The following TTN variants were observed in gnomAD, a reference collection of about 807,000 sequenced individuals.
TTN encodes titin, also known as connectin.
TTN carries 1,525 observed loss-of-function variants against 3,223.0 expected under a neutral mutation model. The ratio of observed to expected loss-of-function variants is 0.47; its 90% CI spans 0.45 to 0.49. The LOEUF is 0.49. Among genes scored for constraint, TTN ranks in the 20% least tolerant of loss-of-function variants. The pLI is 0.00. For missense variants in TTN, 40,786 were observed against 43,424.0 expected (o/e 0.94, Z 5.40); for synonymous variants, 14,094 against 15,161.0 (o/e 0.93, Z 5.17).
At chr2:178,781,627 C>G (rs926849156) in intron 20 of TTN, among the ~76,000 whole-genome samples, 2 of 152,166 alleles carry the variant, frequency 1.3e-5, no homozygotes, top group Non-Finnish European at 2.9e-5. Context: ...ATAATTAAAA[C>G]AATAAATTCC....
At chr2:178,675,518 G>A (rs1204062763) in intron 149 of TTN, among the ~76,000 whole-genome samples, 153 bp downstream of exon 149, 2 of 151,770 alleles carry the variant, frequency 1.3e-5, no homozygotes, top group African/African-American at 4.8e-5. Flanking sequence ...TGAAAAAATG[G>A]ACACAACACA....
rs772011699 is a variant in TTN at position 178,780,122 on chromosome 2, C to T, written c.3607G>A (p.Gly1203Arg). The change falls in exon 22 of 363, where the codon GGA (glycine) becomes AGA (arginine). Residue 1203 changes from glycine to arginine, a missense_variant. Transcript: ENST00000589042. ...VTAFVQEPKV[G>R]ETAPGFVYSE... ...TATACAAATCCAGGTGCTGTTTCTC[C>T]AACTTTAGGTTCTTGAACAAATGCA... 1 of 1,613,838 alleles carries T rather than the reference C, an allele frequency of 6.2e-7. No homozygotes were observed. The highest frequency in any genetic ancestry group is 1.1e-5 in the South Asian group (1 of 91,072).
Position 178,556,958 on chromosome 2 carries a change from C to G in TTN, c.88196G>C (p.Gly29399Ala), listed in dbSNP as rs1701744078. ...TTCATACTGGGAATTCTGAGTCAAG[C>G]CAGAGATGATGAATTGAGTTTCAGT... Reference protein sequence around the residue: ...NVTETQFIISGLTQNSQYEFR... With the variant: ...NVTETQFIISALTQNSQYEFR... Residue 29399 changes from glycine (G) to alanine (A), a missense_variant, in exon 330 of 363, where the codon GGC (glycine) becomes GCC (alanine). Gly to Ala is a moderately conservative substitution (Grantham distance 60). Transcript: ENST00000589042. 1.2e-6 allele frequency: 2 copies of G among 1,613,682 alleles called. No homozygotes were observed. Among genetic ancestry groups the G allele is most frequent in the African/African-American group, 2.7e-5 (2 of 74,920 alleles).
At chr2:178,729,624 G>T (rs375664155) in intron 63 of TTN, 40 bp downstream of exon 63, 10 of 1,613,326 alleles carry the variant, frequency 6.2e-6, no homozygotes, top group Non-Finnish European at 8.5e-6. Context: ...AACTTATCAG[G>T]CAGCACAGCC....
intron 313 of TTN, 59 bp downstream of exon 313, chr2:178,582,881 C>CTATT (rs2048103277): frequency 7.6e-7 from 1 of 1,315,832 alleles, no homozygotes; most frequent in Non-Finnish European, 1.0e-6. Context: ...TCTGTAAATC[C>CTATT]TATTTACATC....
chr2:178,632,406 C>T lies in TTN; in HGVS notation c.43488G>A (p.Arg14496=), dbSNP rs56034831. Reference sequence around the variant, plus strand: ...CTTTGAGAGGGGTGAGGAATTTGAGCCGGATTCCTATCAAGAAAAAAAAGA... The same window carrying T: ...CTTTGAGAGGGGTGAGGAATTTGAGTCGGATTCCTATCAAGAAAAAAAAGA... ...TSGKLIIEGI[R]LKFLTPLKDV... Residue 14496 remains arginine (R), a synonymous_variant, in exon 236 of 363, where the codon CGG becomes CGA. Coordinates refer to ENST00000589042, the MANE Select transcript of TTN (RefSeq NM_001267550.2). 40,909 of 1,581,932 alleles carry T rather than the reference C, an allele frequency of 0.026. 616 individuals are homozygous for T. Among genetic ancestry groups the T allele is most frequent in the Non-Finnish European group, 0.031 (35,649 of 1,167,038 alleles).
rs755949122 is a variant in TTN, at chr2:178,545,394, G to A, written c.95716C>T (p.Pro31906Ser). Reference protein sequence around the residue: ...EASNFISCREPSYTPGPPSAP... With the variant: ...EASNFISCRESSYTPGPPSAP... ...TATGATTCTTGGAGCTCACATGATG[G>A]TTCTCTGCATGAGATGAAGTTGGAA... Residue 31906 changes from proline (P) to serine (S), a missense_variant, in exon 344 of 363, where the codon CCA becomes TCA. Physicochemically the swap from Pro to Ser is moderately conservative, Grantham distance 74. Transcript: ENST00000589042. The A allele has an allele frequency of 1.3e-5, 21 of 1,566,128 alleles. No individual in the cohort carries two copies. Among genetic ancestry groups the A allele is most frequent in the Non-Finnish European group, 1.8e-5 (21 of 1,153,228 alleles).
chr2:178,558,707 A>G, intron 326 of TTN, 70 bp from the exon 327 acceptor site: 1 of 1,464,998 alleles, frequency 6.8e-7, no homozygotes, highest in Non-Finnish European at 9.1e-7. Context: ...CTCTTCATGT[A>G]TTGTCAAAAG....
In TTN at chr2:178,729,817, T is replaced by C. The variant is rs2080073128; in HGVS notation, c.18436A>G (p.Ile6146Val). 6.2e-7 allele frequency: 1 copy of C among 1,613,656 alleles called. No individual in the cohort carries two copies. The highest frequency in any genetic ancestry group is 1.3e-5 in the African/African-American group (1 of 74,926). The change falls in exon 63 of 363, where the codon ATA becomes GTA. Residue 6146 changes from isoleucine to valine, a missense_variant. Ile to Val is a conservative substitution (Grantham distance 29, BLOSUM62 3). Coordinates refer to ENST00000589042, the MANE Select transcript of TTN (RefSeq NM_001267550.2). ...ATGCCATGTTTCTGAATGGCTGTTATTTCATTCCCGTCTAGATACCAAGAC... is the reference window on the plus strand; with the variant it reads ...ATGCCATGTTTCTGAATGGCTGTTACTTCATTCCCGTCTAGATACCAAGAC... ...RVSWYLDGNE[I>V]TAIQKHGISF... is the part of the protein sequence containing the mutation.
intron 21 of TTN, 47 bp from the exon 22 acceptor site, chr2:178,780,252 A>G: frequency 6.6e-7 from 1 of 1,519,142 alleles, no homozygotes; most frequent in Non-Finnish European, 9.1e-7. Flanking sequence ...TTATTAGAAA[A>G]CAGTCATACC....
In TTN at chr2:178,577,487, G is replaced by T. The variant is rs770007899; in HGVS notation, c.68848C>A (p.Pro22950Thr). Reference sequence around the variant, plus strand: ...ATTGTTAGCCCATCTTTTATTGTGGGATCAAGGACAATTGTTGGTGCCTCT... The same window carrying T: ...ATTGTTAGCCCATCTTTTATTGTGGTATCAAGGACAATTGTTGGTGCCTCT... ...EYEAPTIVLDPTIKDGLTIKA... is the reference protein window; with the variant it reads ...EYEAPTIVLDTTIKDGLTIKA... The change falls in exon 324 of 363, where the codon CCC (proline) becomes ACC (threonine). Residue 22950 changes from proline (P) to threonine (T), a missense_variant. Transcript: ENST00000589042. 6 of 1,590,002 alleles carry T rather than the reference G, an allele frequency of 3.8e-6. No homozygotes were observed. In the East Asian group the frequency reaches 1.4e-4, roughly 36 times the overall value.
chr2:178,526,904 C>G lies in TTN; in HGVS notation c.*108G>C, dbSNP rs1474252245. 3.3e-5 allele frequency: 36 copies of G among 1,102,130 alleles called. 1 individual carries two copies. Among genetic ancestry groups the G allele is most frequent in the Non-Finnish European group, 1.2e-6 (1 of 816,594 alleles). The allele number at this position is 1,102,130 out of a possible 1,614,324, so 68.3% of individuals were successfully genotyped here. ...GAACTTTGACTCATTTAGGTTGATACAAAACTACTTTTTTTTCTTTAAATA... is the reference window on the plus strand; with the variant it reads ...GAACTTTGACTCATTTAGGTTGATAGAAAACTACTTTTTTTTCTTTAAATA... On this transcript the variant is annotated 3_prime_UTR_variant, in exon 363 of 363. Coordinates refer to ENST00000589042, the MANE Select transcript of TTN (RefSeq NM_001267550.2).
chr2:178,725,478 A>T lies in TTN; in HGVS notation c.20726T>A (p.Val6909Asp), dbSNP rs1316718244. The T allele has an allele frequency of 6.2e-7, 1 of 1,613,210 alleles. No individual in the cohort carries two copies. The highest frequency in any genetic ancestry group is 8.5e-7 in the Non-Finnish European group (1 of 1,179,534). ...ENIRITFVEN[V>D]ATLQFAKAEP... ...TGCTTTTGCAAACTGTAGAGTTGCA[A>T]CATTTTCCACAAATGTAATCCTGAT... The change falls in exon 71 of 363, where the codon GTT (valine) becomes GAT (aspartate). Residue 6909 changes from valine (V) to aspartate (D), a missense_variant. Val to Asp is a radical substitution (Grantham distance 152). Transcript: ENST00000589042.
Position 178,738,105 on chromosome 2 carries a change from C to G in TTN, c.14348G>C (p.Cys4783Ser), listed in dbSNP as rs748913179. 1 of 1,613,576 alleles carries G rather than the reference C, an allele frequency of 6.2e-7. No individual in the cohort carries two copies. Among genetic ancestry groups the G allele is most frequent in the South Asian group, 1.1e-5 (1 of 91,058 alleles). ...ACCTGTCACAGTTAGTGTGGCTGTA[C>G]AGCTGACACTGCCATACTCATTGGA... ...KASNEYGSVS[C>S]TATLTVTEAY... is the part of the protein sequence containing the mutation. The change falls in exon 49 of 363, where the codon TGT becomes TCT. Residue 4783 changes from cysteine to serine, a missense_variant. Coordinates refer to ENST00000589042, the MANE Select transcript of TTN (RefSeq NM_001267550.2).
rs753557799 is a variant in TTN, at chr2:178,572,564, G to T, written c.73568C>A (p.Pro24523Gln). ...GACCTCTTTTACCTTCAGATCCTGT[G>T]GGGGGCCTGGTGTATCGAGAACTCT... ...NVRVLDTPGP[P>Q]QDLKVKEVTK... Residue 24523 changes from proline to glutamine, a missense_variant, in exon 326 of 363, where the codon CCA (proline) becomes CAA (glutamine). Pro to Gln is a moderately conservative substitution (Grantham distance 76). Transcript: ENST00000589042. 5.0e-6 allele frequency: 8 copies of T among 1,613,388 alleles called. No homozygotes were observed. In the East Asian group the frequency reaches 1.3e-4, roughly 27 times the overall value.
In TTN at chr2:178,705,278, C is replaced by T; in HGVS notation, c.29500G>A (p.Glu9834Lys). ...TACATGCGGGCATATTTTTCATATT[C>T]TTTAGGATCAACATTTTTGAGAAGT... ...MELLKNVDPKEYEKYARMYGI... is the reference protein window; with the variant it reads ...MELLKNVDPKKYEKYARMYGI... Residue 9834 changes from glutamate to lysine, a missense_variant, in exon 103 of 363, where the codon GAA becomes AAA. Coordinates refer to ENST00000589042, the MANE Select transcript of TTN (RefSeq NM_001267550.2). The T allele has an allele frequency of 6.2e-7, 1 of 1,613,308 alleles. No homozygotes were observed. The highest frequency in any genetic ancestry group is 1.7e-4 in the Middle Eastern group (1 of 6,058).
In TTN at chr2:178,739,757, A is replaced by G. The variant is rs769280250; in HGVS notation, c.13476T>C (p.Gly4492=). 6 of 1,613,814 alleles carry G rather than the reference A, an allele frequency of 3.7e-6. No homozygotes were observed. Among genetic ancestry groups the G allele is most frequent in the Non-Finnish European group, 5.1e-6 (6 of 1,179,812 alleles). ...YEEIDILTAE[G]PRIQQGAKTS... ...TTTTGGCTCCTTGCTGAATTCTAGGACCCTCAGCTGTTAGGATGTCTATTT... is the reference window on the plus strand; with the variant it reads ...TTTTGGCTCCTTGCTGAATTCTAGGGCCCTCAGCTGTTAGGATGTCTATTT... Residue 4492 remains glycine (G), a synonymous_variant, in exon 48 of 363, where the codon GGT becomes GGC. Transcript: ENST00000589042.
At chr2:178,682,202 A>T (rs1398575673) in intron 135 of TTN, among the ~76,000 whole-genome samples, 2 of 152,016 alleles carry the variant, frequency 1.3e-5, no homozygotes, top group African/African-American at 2.4e-5. Context: ...AAAACACAAC[A>T]GCTTGTGTTA....
chr2:178,748,321 A>T, intron 47 of TTN: 2 of 1,612,886 alleles, frequency 1.2e-6, no homozygotes, highest in Non-Finnish European at 1.7e-6. Flanking sequence ...AATTTTCATC[A>T]ATACTACTTT....
Sources: gnomAD v4.1 joint callset for allele counts (sites outside exome capture counted in the v4.1 genomes callset) on GRCh38, gnomAD v4.1.1 for gene constraint, MANE v1.5 for transcripts, NCBI Gene and HGNC (gene_info 2026-07-23, HGNC 2026-07-21) for gene names.